Variants in OSBPL3 observed in about 807,000 individuals in gnomAD.
OSBPL3 encodes oxysterol binding protein like 3.
OSBPL3 carries 65 observed loss-of-function variants against 120.1 expected under a neutral mutation model. That is an observed-to-expected ratio of 0.54 (90% CI 0.44 to 0.67). The LOEUF (loss-of-function observed/expected upper bound fraction) is 0.67. Ranked by LOEUF, OSBPL3 falls within the 30% of genes least tolerant of loss-of-function variation. The pLI, the probability that OSBPL3 is intolerant of heterozygous loss-of-function variation, is 0.00. For synonymous variants in OSBPL3, 416 were observed against 402.6 expected (o/e 1.03, Z -0.40); for missense variants, 1,004 against 1,082.1 (o/e 0.93, Z 1.01).
intron 2 of OSBPL3, among the ~76,000 whole-genome samples, chr7:24,890,947 C>T (rs1021655907): frequency 2.0e-5 from 3 of 152,178 alleles, no homozygotes; most frequent in African/African-American, 7.2e-5. Flanking sequence ...GTTCCAATTC[C>T]TATGGTGTAA....
At chr7:24,919,750 T>A (rs1810158653) in intron 1 of OSBPL3, among the ~76,000 whole-genome samples, 1 of 150,556 alleles carries the variant, frequency 6.6e-6, no homozygotes, top group South Asian at 2.1e-4. Flanking sequence ...GAGATAATAT[T>A]TGCCAATCAT....
At chr7:24,868,835 C>T (rs946659501) in intron 5 of OSBPL3, among the ~76,000 whole-genome samples, 2 of 152,084 alleles carry the variant, frequency 1.3e-5, no homozygotes, top group African/African-American at 4.8e-5. Context: ...TCTCAGAGGC[C>T]GTTATAAGTC....
At chr7:24,925,848 C>T (rs1230877242) in intron 1 of OSBPL3, among the ~76,000 whole-genome samples, 3 of 152,146 alleles carry the variant, frequency 2.0e-5, no homozygotes, top group Non-Finnish European at 4.4e-5. Flanking sequence ...TTTATTTCAC[C>T]CAGATTTGTG....
At position 24,830,435 on chromosome 7, in the gene OSBPL3, G is replaced by A. The variant is rs565749082; in HGVS notation, c.1884+333C>T. ...CATGCTCTGGAATAATGATGTCAGTGTGTTAGGGAGCAATGTTAAACCTCT... is the reference window on the plus strand; with the variant it reads ...CATGCTCTGGAATAATGATGTCAGTATGTTAGGGAGCAATGTTAAACCTCT... On this transcript the variant is annotated intron_variant, in intron 16 of 22. Coordinates refer to ENST00000313367, the MANE Select transcript of OSBPL3 (RefSeq NM_015550.4). This position sits in a 1 kb window ranked among gnomAD's most constrained non-coding sequence, Gnocchi z 4.4. 6.6e-6 allele frequency among the ~76,000 whole-genome samples: 1 copy of A among 152,332 alleles called. No individual in the cohort carries two copies. The highest frequency in any genetic ancestry group is 2.4e-5 in the African/African-American group (1 of 41,576).
rs746725180 is a variant in OSBPL3, at chr7:24,877,085, G to A, written c.97-5016C>T. On this transcript the variant is annotated intron_variant, in intron 2 of 22. Coordinates refer to ENST00000313367, the MANE Select transcript of OSBPL3 (RefSeq NM_015550.4). The surrounding 1 kb of genome is among the most constrained non-coding windows in gnomAD (Gnocchi z 4.8). ...CCCTGATGTTACAAAACCAAGTGAC[G>A]AAGCCACCTGACTGCAGAACTTACA... 1.4e-4 allele frequency among the ~76,000 whole-genome samples: 22 copies of A among 152,262 alleles called. No individual in the cohort carries two copies. Among genetic ancestry groups the A allele is most frequent in the Non-Finnish European group, 2.5e-4 (17 of 68,014 alleles).
In OSBPL3 at chr7:24,865,398, TCAC is replaced by T. The variant is rs769902546; in HGVS notation, c.614_616del (p.Gly205del). 7.4e-6 allele frequency: 12 copies of T among 1,613,356 alleles called. No individual in the cohort carries two copies. The highest frequency in any genetic ancestry group is 1.6e-4 in the Middle Eastern group (1 of 6,082). On this transcript the variant is annotated inframe_deletion, in exon 7 of 23. Transcript: ENST00000313367. ...CTGTAACCATAATGGAACTCGTGTC[TCAC>T]CACCACAAGAAAATGATACATTGCT...
chr7:24,810,012 G>A lies in OSBPL3; in HGVS notation c.2173-61C>T. On this transcript the variant is annotated intron_variant, in intron 19 of 22. Coordinates refer to ENST00000313367, the MANE Select transcript of OSBPL3 (RefSeq NM_015550.4). ...GCATCAGCTTATTACAGATATTAAG[G>A]AAAGAAAAAAGGAAAAGCTAGAGAA... The A allele has an allele frequency of 1.1e-5, 17 of 1,574,354 alleles. No homozygotes were observed. In the Admixed American group the frequency reaches 1.4e-4, roughly 13 times the overall value.
rs1812963330 is a variant in OSBPL3, at chr7:24,940,567, G to T, written c.-150+39319C>A. 6.6e-6 allele frequency among the ~76,000 whole-genome samples: 1 copy of T among 152,124 alleles called. No individual in the cohort carries two copies. The highest frequency in any genetic ancestry group is 1.5e-5 in the Non-Finnish European group (1 of 68,016). ...GACAGGGGCCGTGATGGAGGAAAGGGTATTTCAGAGATAACCATCTCAAAG... is the reference window on the plus strand; with the variant it reads ...GACAGGGGCCGTGATGGAGGAAAGGTTATTTCAGAGATAACCATCTCAAAG... On this transcript the variant is annotated intron_variant, in intron 1 of 22. Transcript: ENST00000313367. This position sits in a 1 kb window ranked among gnomAD's most constrained non-coding sequence, Gnocchi z 4.4.
intron 1 of OSBPL3, among the ~76,000 whole-genome samples, chr7:24,942,306 A>G (rs1022452901): frequency 2.4e-4 from 37 of 152,354 alleles, no homozygotes; most frequent in African/African-American, 8.9e-4. Context: ...ATATAATGAA[A>G]CGGTAGTTCT....
chr7:24,950,485 G>T (rs2128496810), intron 1 of OSBPL3, among the ~76,000 whole-genome samples: 1 of 152,378 alleles, frequency 6.6e-6, no homozygotes, highest in South Asian at 2.1e-4. Context: ...CACTTTGGGA[G>T]GCCGAGGCGG....
chr7:24,901,459 T>C (rs954195082), intron 1 of OSBPL3, among the ~76,000 whole-genome samples: 4 of 152,230 alleles, frequency 2.6e-5, no homozygotes, highest in African/African-American at 9.6e-5. Flanking sequence ...AGCTGCAATC[T>C]GGTCATAAAA....
At position 24,938,779 on chromosome 7, in the gene OSBPL3, ATGTG is replaced by A. The variant is rs142720310; in HGVS notation, c.-150+41103_-150+41106del. Among the ~76,000 whole-genome samples the A allele has an allele frequency of 0.1, 9,608 of 93,598 alleles. 419 individuals are homozygous for A. Among genetic ancestry groups the A allele is most frequent in the African/African-American group, 0.11 (2,616 of 24,378 alleles). The allele number at this position is 93,598 out of a possible 152,430, so 61.4% of individuals were successfully genotyped here. On this transcript the variant is annotated intron_variant, in intron 1 of 22. Coordinates refer to ENST00000313367, the MANE Select transcript of OSBPL3 (RefSeq NM_015550.4). This position sits in a 1 kb window ranked among gnomAD's most constrained non-coding sequence, Gnocchi z 5.8. Reference sequence around the variant, plus strand: ...AACTGAATAATGAGGTTTTGTTTTGATGTGTGTGTGTGTGTGTGTGTGTGTGTGT... The same window carrying A: ...AACTGAATAATGAGGTTTTGTTTTGATGTGTGTGTGTGTGTGTGTGTGTGT...
In OSBPL3 at chr7:24,849,034, C is replaced by T; in HGVS notation, c.1266+35G>A. On this transcript the variant is annotated intron_variant, in intron 12 of 22. Coordinates refer to ENST00000313367, the MANE Select transcript of OSBPL3 (RefSeq NM_015550.4). This position sits in a 1 kb window ranked among gnomAD's most constrained non-coding sequence, Gnocchi z 5.4. ...ATGGTATCACGGGAGCGGGCGGCAGCTGGGGAGACATTACCAGACGAGAAA... is the reference window on the plus strand; with the variant it reads ...ATGGTATCACGGGAGCGGGCGGCAGTTGGGGAGACATTACCAGACGAGAAA... 1.4e-6 allele frequency: 2 copies of T among 1,460,888 alleles called. No individual in the cohort carries two copies. The highest frequency in any genetic ancestry group is 1.9e-6 in the Non-Finnish European group (2 of 1,043,026). The allele number at this position is 1,460,888 out of a possible 1,614,324, so 90.5% of individuals were successfully genotyped here.
rs890201413 is a variant in OSBPL3 at position 24,898,922 on chromosome 7, G to A, written c.-149-6301C>T. On this transcript the variant is annotated intron_variant, in intron 1 of 22. Transcript: ENST00000313367. This position sits in a 1 kb window ranked among gnomAD's most constrained non-coding sequence, Gnocchi z 4.3. The stretch of plus-strand genomic sequence containing the variant: ...TTTAAAAATCTATTCTAGACAGTTT[G>A]TCATCATTTAGAGCTGAAATAATGA... Among the ~76,000 whole-genome samples the A allele has an allele frequency of 6.6e-6, 1 of 152,116 alleles. No individual in the cohort carries two copies. The highest frequency in any genetic ancestry group is 2.4e-5 in the African/African-American group (1 of 41,428).
intron 10 of OSBPL3, among the ~76,000 whole-genome samples, chr7:24,859,707 T>G (rs1800263678): frequency 2.0e-5 from 3 of 152,186 alleles, no homozygotes; most frequent in Non-Finnish European, 4.4e-5. Context: ...GTTTCTTATT[T>G]ATGCAATAGA....
At position 24,898,012 on chromosome 7, in the gene OSBPL3, T is replaced by C. The variant is rs1335446561; in HGVS notation, c.-149-5391A>G. On this transcript the variant is annotated intron_variant, in intron 1 of 22. Coordinates refer to ENST00000313367, the MANE Select transcript of OSBPL3 (RefSeq NM_015550.4). The surrounding 1 kb of genome is among the most constrained non-coding windows in gnomAD (Gnocchi z 4.3). ...CCCAGTAAAATATATAAAGAAATTA[T>C]GTCCTGAATTAACGTTAGAAATTTT... Among the ~76,000 whole-genome samples the C allele has an allele frequency of 6.6e-6, 1 of 152,248 alleles. No individual in the cohort carries two copies. Among genetic ancestry groups the C allele is most frequent in the Non-Finnish European group, 1.5e-5 (1 of 68,042 alleles).
intron 1 of OSBPL3, among the ~76,000 whole-genome samples, chr7:24,969,379 AG>A (rs1563022431): frequency 6.6e-6 from 1 of 152,202 alleles, no homozygotes; most frequent in African/African-American, 2.4e-5. Context: ...TGATAAAAGT[AG>A]GTCTTTGTGA....
rs1158408300 is a variant in OSBPL3 at position 24,873,536 on chromosome 7, T to G, written c.97-1467A>C. 6.6e-6 allele frequency among the ~76,000 whole-genome samples: 1 copy of G among 152,176 alleles called. No homozygotes were observed. The highest frequency in any genetic ancestry group is 2.4e-5 in the African/African-American group (1 of 41,428). ...CAAGATCTGGAGTTGTGAAAAAGAC[T>G]TCTTCAATGGAAAAAAGCAAAGCTT... On this transcript the variant is annotated intron_variant, in intron 2 of 22. Transcript: ENST00000313367. This position sits in a 1 kb window ranked among gnomAD's most constrained non-coding sequence, Gnocchi z 4.1.
chr7:24,825,056 T>C (rs1795546425), intron 16 of OSBPL3, among the ~76,000 whole-genome samples: 1 of 152,190 alleles, frequency 6.6e-6, no homozygotes, highest in Non-Finnish European at 1.5e-5. Flanking sequence ...TTGTGGACCA[T>C]GGCCAGGACT....
Sources: gnomAD v4.1 joint callset for allele counts (sites outside exome capture counted in the v4.1 genomes callset) on GRCh38, gnomAD v4.1.1 for gene constraint, Gnocchi (gnomAD v3.1) non-coding constraint, MANE v1.5 for transcripts, NCBI Gene and HGNC (gene_info 2026-07-23, HGNC 2026-07-21) for gene names.